Variants in CR1 observed in about 807,000 individuals in gnomAD.
The protein encoded by CR1 is complement receptor type 1.
A neutral mutation model predicts 187.3 loss-of-function variants in CR1; 116 were observed. The observed-to-expected ratio is 0.62, with a 90% CI of 0.53 to 0.72. The LOEUF (loss-of-function observed/expected upper bound fraction) is 0.72. Ranked by LOEUF, CR1 falls within the 30% of genes least tolerant of loss-of-function variation. The pLI, the probability that CR1 is intolerant of heterozygous loss-of-function variation, is 0.00. For missense variants in CR1, 1,731 were observed against 2,110.7 expected, an observed-to-expected ratio of 0.82 and a Z score of 3.52; for synonymous variants, 576 against 747.1, an observed-to-expected ratio of 0.77 and a Z score of 3.73.
chr1:207,510,607 C>T (rs1659579457), intron 3 of CR1, among the ~76,000 whole-genome samples: 1 of 152,190 alleles, frequency 6.6e-6, no homozygotes, highest in African/African-American at 2.4e-5. Context: ...TTATGGCACA[C>T]TGTGAACAGT....
At chr1:207,606,132 C>T (rs1410612866) in intron 35 of CR1, 1 of 152,244 alleles carries the variant, frequency 6.6e-6, no homozygotes, top group East Asian at 1.9e-4. Context: ...TTCCACTTTG[C>T]TACTCTGACC....
chr1:207,576,583 C>G (rs768892645), intron 28 of CR1, among the ~76,000 whole-genome samples: 1 of 152,070 alleles, frequency 6.6e-6, no homozygotes, highest in Non-Finnish European at 1.5e-5. Flanking sequence ...TTTGGGAGGC[C>G]TAGGTGAGCA....
intron 37 of CR1, among the ~76,000 whole-genome samples, chr1:207,609,919 T>C (rs1191165316): frequency 6.6e-6 from 1 of 152,240 alleles, no homozygotes; most frequent in Non-Finnish European, 1.5e-5. Context: ...AGCAAATATA[T>C]GAAGTAGCTA....
intron 46 of CR1, among the ~76,000 whole-genome samples, chr1:207,636,121 C>T (rs957326005): frequency 1.3e-5 from 2 of 152,178 alleles, no homozygotes; most frequent in South Asian, 4.2e-4. Context: ...GGCTGTTTCT[C>T]GATGGTTGCT....
Position 207,580,559 on chromosome 1 carries a change from T to A in CR1, c.5162T>A (p.Leu1721Gln). 6.2e-7 allele frequency: 1 copy of A among 1,613,702 alleles called. No homozygotes were observed. Among genetic ancestry groups the A allele is most frequent in the Non-Finnish European group, 8.5e-7 (1 of 1,179,814 alleles). ...FLGQLPHGRVLFPLNLQLGAK... is the reference protein window; with the variant it reads ...FLGQLPHGRVQFPLNLQLGAK... ...GGTCAACTCCCTCATGGCCGTGTGCTATTTCCACTTAATCTCCAGCTTGGG... is the reference window on the plus strand; with the variant it reads ...GGTCAACTCCCTCATGGCCGTGTGCAATTTCCACTTAATCTCCAGCTTGGG... Residue 1721 changes from leucine (L) to glutamine (Q), a missense_variant, in exon 31 of 47, where the codon CTA becomes CAA. By Grantham distance (113) the Leu-to-Gln change is moderately radical. Coordinates refer to ENST00000367049, the MANE Select transcript of CR1 (RefSeq NM_000651.6).
intron 2 of CR1, 122 bp downstream of exon 2, chr1:207,506,205 T>G: frequency 8.7e-7 from 1 of 1,152,632 alleles, no homozygotes. Context: ...GCAATACATA[T>G]GAGAATTATT....
intron 28 of CR1, among the ~76,000 whole-genome samples, chr1:207,577,183 G>A (rs1237159788): frequency 1.3e-5 from 2 of 151,782 alleles, no homozygotes; most frequent in African/African-American, 4.8e-5. Flanking sequence ...CCTGGGAGGC[G>A]GGGGTTGCAG....
chr1:207,522,512 T>C (rs182698208), intron 4 of CR1, among the ~76,000 whole-genome samples: 216 of 152,334 alleles, frequency 1.4e-3, no homozygotes, highest in African/African-American at 4.9e-3. Context: ...CAGCTGCCCA[T>C]TCCCAAACAA....
chr1:207,620,537 G>A (rs1009978673), intron 43 of CR1, among the ~76,000 whole-genome samples: 3 of 152,164 alleles, frequency 2.0e-5, no homozygotes, highest in African/African-American at 7.2e-5. Flanking sequence ...CTGTAAGATA[G>A]AAAACTACCC....
intron 39 of CR1, among the ~76,000 whole-genome samples, chr1:207,613,289 T>A (rs1241450593): frequency 1.3e-5 from 2 of 152,144 alleles, no homozygotes; most frequent in East Asian, 3.9e-4. Flanking sequence ...GTTCTGGGGC[T>A]TTTATGGACA....
intron 4 of CR1, among the ~76,000 whole-genome samples, chr1:207,516,676 T>C (rs985561181): frequency 1.3e-5 from 2 of 152,216 alleles, no homozygotes; most frequent in African/African-American, 4.8e-5. Context: ...CTTTTAATAA[T>C]ATTTGTTAAT....
At chr1:207,525,396 T>C (rs1446215106) in intron 5 of CR1, among the ~76,000 whole-genome samples, 1 of 151,852 alleles carries the variant, frequency 6.6e-6, no homozygotes, top group Non-Finnish European at 1.5e-5. Context: ...GATGGTGAAA[T>C]GGCCAGCCCC....
chr1:207,608,609 G>T (rs1490556763), intron 36 of CR1, among the ~76,000 whole-genome samples: 1 of 152,100 alleles, frequency 6.6e-6, no homozygotes, highest in Non-Finnish European at 1.5e-5. Context: ...GAAATTCTAT[G>T]AAATAATTCA....
intron 23 of CR1, among the ~76,000 whole-genome samples, chr1:207,564,446 A>C (rs1660422694): frequency 6.7e-6 from 1 of 150,154 alleles, no homozygotes; most frequent in South Asian, 2.1e-4. Context: ...AACATATATT[A>C]ACTGGCAAGT....
At position 207,584,863 on chromosome 1, in the gene CR1, T is replaced by TTG. The variant is rs1661065016; in HGVS notation, c.5518_5519insGT (p.Ser1840CysfsTer34). On this transcript the variant is annotated frameshift_variant, in exon 33 of 47. Transcript: ENST00000367049. LOFTEE classifies it high-confidence loss of function. ...GCAGCCCTGCCCCTCGCTGTGAACTTTCTGTTCGTGCTGGTCAGTATCCAC... is the reference window on the plus strand; with the variant it reads ...GCAGCCCTGCCCCTCGCTGTGAACTTTGTCTGTTCGTGCTGGTCAGTATCCAC... The TTG allele has an allele frequency of 6.2e-7, 1 of 1,613,828 alleles. No homozygotes were observed.
rs146832209 is a variant in CR1, at chr1:207,613,213, G to A, written c.6575+1172G>A. On this transcript the variant is annotated intron_variant, in intron 39 of 46. Coordinates refer to ENST00000367049, the MANE Select transcript of CR1 (RefSeq NM_000651.6). ...TTGAGTGACAAAACAGCTTCTCAGC[G>A]GAGACGAGACACGAGGGTGGACCCC... Among the ~76,000 whole-genome samples the A allele has an allele frequency of 8.4e-3, 1,282 of 152,288 alleles. 7 individuals carry two copies. Among genetic ancestry groups the A allele is most frequent in the Admixed American group, 0.01 (160 of 15,308 alleles).
chr1:207,633,953 G>A (rs900171007), intron 46 of CR1, among the ~76,000 whole-genome samples: 2 of 152,154 alleles, frequency 1.3e-5, no homozygotes, highest in Non-Finnish European at 2.9e-5. Flanking sequence ...AGTGGGGGTC[G>A]CAAGGTGCTC....
chr1:207,573,366 A>C (rs1438618083), intron 27 of CR1, among the ~76,000 whole-genome samples: 1 of 152,158 alleles, frequency 6.6e-6, no homozygotes, highest in African/African-American at 2.4e-5. Flanking sequence ...AATTAGAATA[A>C]ATCCGATGTC....
Position 207,618,258 on chromosome 1 carries a change from T to C in CR1, c.7066+11T>C. 1 of 1,612,076 alleles carries C rather than the reference T, an allele frequency of 6.2e-7. No homozygotes were observed. Among genetic ancestry groups the C allele is most frequent in the Middle Eastern group, 1.7e-4 (1 of 6,004 alleles). On this transcript the variant is annotated intron_variant, in intron 42 of 46. Transcript: ENST00000367049. ...ATCATTATTGCAAAGGTGACTTATT[T>C]CTTGGTATTCCTTATTCTTGCTGGG...
Sources: allele counts gnomAD v4.1 joint callset (sites outside exome capture counted in the v4.1 genomes callset), GRCh38; gene constraint gnomAD v4.1.1; transcripts MANE v1.5; gene names NCBI Gene and HGNC (gene_info 2026-07-23, HGNC 2026-07-21).